The following MEIS3 variants were observed in gnomAD, a reference collection of about 807,000 sequenced individuals.
The protein encoded by MEIS3 is Meis homeobox 3, also known as homeobox protein Meis3.
A neutral mutation model predicts 51.4 loss-of-function variants in MEIS3; 38 were observed. The observed-to-expected ratio is 0.74, with a 90% confidence interval of 0.57 to 0.97. MEIS3 has a LOEUF of 0.97. Ranked by LOEUF, MEIS3 falls within the 50% of genes least tolerant of loss-of-function variation. The pLI is 0.00. For missense variants in MEIS3, 456 were observed against 502.6 expected, an observed-to-expected ratio of 0.91 and a Z score of 0.89; for synonymous variants, 198 against 201.8, an observed-to-expected ratio of 0.98 and a Z score of 0.16.
At chr19:47,406,580 T>C in intron 11 of MEIS3, 54 bp from the exon 12 acceptor site, 1 of 1,550,436 alleles carries the variant, frequency 6.4e-7, no homozygotes, top group Non-Finnish European at 8.9e-7. Flanking sequence ...CACCCCCAGA[T>C]GCCTCTAAGT....
Position 47,414,722 on chromosome 19 carries a change from C to G in MEIS3, c.592G>C (p.Asp198His), listed in dbSNP as rs769813189. 2 of 1,599,258 alleles carry G rather than the reference C, an allele frequency of 1.3e-6. No individual in the cohort carries two copies. The highest frequency in any genetic ancestry group is 2.3e-5 in the East Asian group (1 of 44,256). ...DYPASCPSLP[D>H]QNNMWIRDHE... ...GGTGCCCGTCCCGGGCCCACCTGGTCTGGGAGGCTGGGGCAGGAGGCTGGG... is the reference window on the plus strand; with the variant it reads ...GGTGCCCGTCCCGGGCCCACCTGGTGTGGGAGGCTGGGGCAGGAGGCTGGG... Residue 198 changes from aspartate to histidine, a missense_variant, in exon 6 of 13, where the codon GAC becomes CAC. Physicochemically the swap from Asp to His is moderately conservative, Grantham distance 81. Coordinates refer to ENST00000558555, the MANE Select transcript of MEIS3 (RefSeq NM_001301059.2).
chr19:47,417,918 C>A (rs984039061), intron 1 of MEIS3: 4 of 579,652 alleles, frequency 6.9e-6, no homozygotes, highest in African/African-American at 3.8e-5. Flanking sequence ...CCCAAATCCC[C>A]CCCCCCACAC....
In MEIS3 at chr19:47,417,297, A is replaced by T. The variant is rs750774104; in HGVS notation, c.66T>A (p.Ala22=). 1.2e-5 allele frequency: 19 copies of T among 1,613,616 alleles called. 1 individual carries two copies. In the South Asian group the frequency reaches 1.8e-4, roughly 15 times the overall value. Residue 22 remains alanine, a synonymous_variant, in exon 2 of 13, where the codon GCT becomes GCA. Coordinates refer to ENST00000558555, the MANE Select transcript of MEIS3 (RefSeq NM_001301059.2). Reference sequence around the variant, plus strand: ...CTGCGGGCACTGTCTCTGGGAAGCTAGCCAGGGCTGCGGGGCCATCCACGA... The same window carrying T: ...CTGCGGGCACTGTCTCTGGGAAGCTTGCCAGGGCTGCGGGGCCATCCACGA... ...PGIVDGPAAL[A]SFPETVPAVP...
At chr19:47,405,396 T>G (rs1213800618) in intron 12 of MEIS3, among the ~76,000 whole-genome samples, 1 of 152,126 alleles carries the variant, frequency 6.6e-6, no homozygotes, top group Non-Finnish European at 1.5e-5. Flanking sequence ...AAATCTTCCC[T>G]GATACCCCAG....
chr19:47,415,004 G>A, intron 5 of MEIS3, 47 bp downstream of exon 5: 2 of 1,459,282 alleles, frequency 1.4e-6, no homozygotes, highest in Non-Finnish European at 1.9e-6. Flanking sequence ...GAGAGGGGGT[G>A]GGATGACAGG....
At chr19:47,404,129 G>A (rs752924872) in intron 12 of MEIS3, among the ~76,000 whole-genome samples, 1 of 152,036 alleles carries the variant, frequency 6.6e-6, no homozygotes, top group African/African-American at 2.4e-5. Context: ...GCTTAACCTG[G>A]GGAGGTCGAG....
At chr19:47,416,531 C>T (rs570388980) in intron 4 of MEIS3, 121 bp downstream of exon 4, 15 of 791,452 alleles carry the variant, frequency 1.9e-5, no homozygotes, top group African/African-American at 1.8e-4. Context: ...ACAATCATGA[C>T]GGTTTGGGGA....
rs1489594638 is a variant in MEIS3, at chr19:47,409,506, T to C, written c.639A>G (p.Val213=). ...WIRDHEDSGS[V]HLGTPGPSSG... ...TGGATGGACCTGGGGTCCCCAAATG[T>C]ACAGACCCACTATCCTCATGGTCTC... is the stretch of plus-strand genomic sequence containing the variant. Residue 213 remains valine, a synonymous_variant, in exon 7 of 13, where the codon GTA becomes GTG. Transcript: ENST00000558555. 1 of 1,614,102 alleles carries C rather than the reference T, an allele frequency of 6.2e-7. No individual in the cohort carries two copies. Among genetic ancestry groups the C allele is most frequent in the South Asian group, 1.1e-5 (1 of 91,082 alleles).
chr19:47,416,638 G>T lies in MEIS3; in HGVS notation c.396+14C>A, dbSNP rs1568428616. On this transcript the variant is annotated intron_variant, in intron 4 of 12. Coordinates refer to ENST00000558555, the MANE Select transcript of MEIS3 (RefSeq NM_001301059.2). ...CATTGGAGGAGGGGGTGTGGGGGAGGGCTCGGGTCTCACCAGATTGTCCAG... is the reference window on the plus strand; with the variant it reads ...CATTGGAGGAGGGGGTGTGGGGGAGTGCTCGGGTCTCACCAGATTGTCCAG... 6.6e-7 allele frequency: 1 copy of T among 1,513,144 alleles called. No homozygotes were observed. The highest frequency in any genetic ancestry group is 2.5e-5 in the East Asian group (1 of 39,986). 93.7% of individuals were successfully genotyped at this position (1,513,144 alleles called of 1,614,324 possible).
intron 12 of MEIS3, among the ~76,000 whole-genome samples, chr19:47,404,596 G>A (rs769457802): frequency 6.6e-6 from 1 of 152,062 alleles, no homozygotes; most frequent in African/African-American, 2.4e-5. Flanking sequence ...TCCCTCTGCA[G>A]ATGCTCCTCT....
In MEIS3 at chr19:47,416,904, G is replaced by A; in HGVS notation, c.245C>T (p.Ser82Phe). 6.2e-7 allele frequency: 1 copy of A among 1,612,962 alleles called. No homozygotes were observed. The highest frequency in any genetic ancestry group is 8.5e-7 in the Non-Finnish European group (1 of 1,179,532). ...VFEKCELATC[S>F]PRDGAGAGLG... ...CCCAGCTCCGGCCCCGTCACGGGGAGAGCATGTAGCCAGTTCACATTTCTC... is the reference window on the plus strand; with the variant it reads ...CCCAGCTCCGGCCCCGTCACGGGGAAAGCATGTAGCCAGTTCACATTTCTC... Residue 82 changes from serine to phenylalanine, a missense_variant, in exon 3 of 13, where the codon TCT becomes TTT. By Grantham distance (155) the Ser-to-Phe change is radical. Coordinates refer to ENST00000558555, the MANE Select transcript of MEIS3 (RefSeq NM_001301059.2).
chr19:47,409,459 C>A lies in MEIS3; in HGVS notation c.686G>T (p.Ser229Ile), dbSNP rs1232016620. Residue 229 changes from serine to isoleucine, a missense_variant, in exon 7 of 13, where the codon AGT (serine) becomes ATT (isoleucine). Ser to Ile is a moderately radical substitution (Grantham distance 142). Coordinates refer to ENST00000558555, the MANE Select transcript of MEIS3 (RefSeq NM_001301059.2). The part of the protein sequence containing the change: ...GPSSGGLASQ[S>I]GDNSSDQGDG... ...ACCTTGGTCACTGGAGTTGTCCCCA[C>A]TCTGGGAGGCCAGGCCCCCACTGGA... 8.1e-6 allele frequency: 13 copies of A among 1,613,964 alleles called. No individual in the cohort carries two copies. Among genetic ancestry groups the A allele is most frequent in the Non-Finnish European group, 9.3e-6 (11 of 1,179,932 alleles).
Position 47,403,342 on chromosome 19 carries a change from G to T in MEIS3, c.*229C>A, listed in dbSNP as rs978605624. On this transcript the variant is annotated 3_prime_UTR_variant, in exon 13 of 13. Coordinates refer to ENST00000558555, the MANE Select transcript of MEIS3 (RefSeq NM_001301059.2). ...AGGAGCCCAGCTCGGGTCCCAGGCA[G>T]AGGTGAAGGCAGAAGTGGGGCTCAG... The T allele has an allele frequency of 8.9e-6, 4 of 447,574 alleles. No homozygotes were observed. Among genetic ancestry groups the T allele is most frequent in the African/African-American group, 8.0e-5 (4 of 49,748 alleles). 27.7% of individuals were successfully genotyped at this position (447,574 alleles called of 1,614,324 possible).
chr19:47,420,940 A>ACACACACACTCT (rs1187725467), upstream of MEIS3, among the ~76,000 whole-genome samples: 85 of 90,944 alleles, frequency 9.3e-4, 1 homozygote, highest in Middle Eastern at 7.0e-3. Context: ...ACACACACAC[A>ACACACACACTCT]CTCTCTCTCT....
intron 8 of MEIS3, among the ~76,000 whole-genome samples, 191 bp downstream of exon 8, chr19:47,408,908 G>A (rs567365880): frequency 6.6e-6 from 1 of 152,184 alleles, no homozygotes; most frequent in South Asian, 2.1e-4. Context: ...TAAGTGTCCT[G>A]AGCGGCACCT....
At chr19:47,407,525 G>T in intron 8 of MEIS3, 97 bp from the exon 9 acceptor site, 2 of 1,603,654 alleles carry the variant, frequency 1.2e-6, no homozygotes, top group Admixed American at 1.7e-5. Context: ...GGGAGCCCAG[G>T]CCCAGGCAGA....
chr19:47,417,652 A>C (rs1361518760), intron 1 of MEIS3: 1 of 702,766 alleles, frequency 1.4e-6, no homozygotes, highest in Non-Finnish European at 2.6e-6. Context: ...GTGGCGTGAG[A>C]AGACAGTGAC....
rs751079056 is a variant in MEIS3, at chr19:47,416,778, G to A, written c.345+26C>T. On this transcript the variant is annotated intron_variant, in intron 3 of 12. Transcript: ENST00000558555. ...CCCTCCTCGCTGGCTCTCTGACTCGGTGTGTGGTGGGTGGGAGGTGCCCAC... is the reference window on the plus strand; with the variant it reads ...CCCTCCTCGCTGGCTCTCTGACTCGATGTGTGGTGGGTGGGAGGTGCCCAC... 1.9e-6 allele frequency: 3 copies of A among 1,613,086 alleles called. No individual in the cohort carries two copies. The African/African-American group carries it at 4.0e-5, about 21-fold the overall frequency.
In MEIS3 at chr19:47,419,263, C is replaced by G. The variant is rs1485858242; in HGVS notation, c.-182G>C. 5 of 306,232 alleles carry G rather than the reference C, an allele frequency of 1.6e-5. No individual in the cohort carries two copies. Among genetic ancestry groups the G allele is most frequent in the Non-Finnish European group, 2.3e-5 (4 of 170,562 alleles). 19.0% of individuals were successfully genotyped at this position (306,232 alleles called of 1,614,324 possible). A position where few individuals can be genotyped will look rare whatever the true frequency, so the allele number is the denominator to read the frequency against. The stretch of plus-strand genomic sequence containing the variant: ...CAGGCGCCGGGCCGGGTGGGGACTC[C>G]GCGCATGGACCCCGGCCCCCGCCCC... On this transcript the variant is annotated 5_prime_UTR_variant, in exon 1 of 13. Transcript: ENST00000558555.
Sources: gnomAD v4.1 joint callset for allele counts (sites outside exome capture counted in the v4.1 genomes callset) on GRCh38, gnomAD v4.1.1 for gene constraint, MANE v1.5 for transcripts, NCBI Gene and HGNC (gene_info 2026-07-23, HGNC 2026-07-21) for gene names.